Variants in LANCL2 observed in about 807,000 individuals in gnomAD.
LANCL2 encodes LanC like glutathione S-transferase 2, also known as lanC-like protein 2.
LANCL2 carries 33 observed loss-of-function variants against 56.9 expected under a neutral mutation model. The observed-to-expected ratio is 0.58, with a 90% CI of 0.44 to 0.78. LANCL2 has a LOEUF of 0.78. Ranked by LOEUF, LANCL2 falls within the 30% of genes least tolerant of loss-of-function variation. The pLI is 0.00. For synonymous variants in LANCL2, 233 were observed against 228.2 expected, an observed-to-expected ratio of 1.02 and a Z score of -0.19; for missense variants, 562 against 580.2, an observed-to-expected ratio of 0.97 and a Z score of 0.32.
intron 5 of LANCL2, among the ~76,000 whole-genome samples, chr7:55,409,897 T>G (rs1790453160): frequency 6.6e-6 from 1 of 152,222 alleles, no homozygotes; most frequent in South Asian, 2.1e-4. Context: ...TCAGTGTATT[T>G]CCTGTTTCAG....
At chr7:55,387,895 C>G (rs944170766) in intron 1 of LANCL2, among the ~76,000 whole-genome samples, 1 of 152,092 alleles carries the variant, frequency 6.6e-6, no homozygotes. Flanking sequence ...CTAAAAATAC[C>G]TCTTTTCCTT....
At chr7:55,399,426 G>A (rs773022146) in intron 3 of LANCL2, among the ~76,000 whole-genome samples, 16 of 148,422 alleles carry the variant, frequency 1.1e-4, no homozygotes, top group Non-Finnish European at 1.8e-4. Flanking sequence ...TCACTGCAAC[G>A]TCCGCCTCCT....
chr7:55,367,037 T>G (rs10230732), intron 1 of LANCL2, among the ~76,000 whole-genome samples: 136,980 of 152,158 alleles, frequency 0.9, 62,034 homozygotes, highest in African/African-American at 0.98. Flanking sequence ...TCTTGTTTCA[T>G]GAAGAAAAGG....
Position 55,391,893 on chromosome 7 carries a change from CT to C in LANCL2, c.307del (p.Tyr103IlefsTer7). 6.3e-7 allele frequency: 1 copy of C among 1,589,774 alleles called. No individual in the cohort carries two copies. The highest frequency in any genetic ancestry group is 8.6e-7 in the Non-Finnish European group (1 of 1,158,224). ...LKTADPHDCS[A>X]YTGWTGIALL... Reference sequence around the variant, plus strand: ...ACAGCTGATCCCCATGACTGCTCTGCTTATACTGGCTGGACAGGTGAGGCTG... The same window carrying C: ...ACAGCTGATCCCCATGACTGCTCTGCTATACTGGCTGGACAGGTGAGGCTG... On this transcript the variant is annotated frameshift_variant, in exon 2 of 9. Transcript: ENST00000254770. LOFTEE classifies it high-confidence loss of function.
chr7:55,382,004 T>C (rs1790074475), intron 1 of LANCL2, among the ~76,000 whole-genome samples: 1 of 152,226 alleles, frequency 6.6e-6, no homozygotes, highest in East Asian at 1.9e-4. Context: ...TTTTAAGTCC[T>C]GCTTTTAGGT....
At chr7:55,397,656 C>T (rs972909599) in intron 2 of LANCL2, among the ~76,000 whole-genome samples, 99 of 108,662 alleles carry the variant, frequency 9.1e-4, no homozygotes, top group Middle Eastern at 6.7e-3. Flanking sequence ...TATACTGATT[C>T]TTTTTTTTTT....
intron 7 of LANCL2, among the ~76,000 whole-genome samples, chr7:55,425,926 C>CT (rs1790659525): frequency 6.6e-6 from 1 of 152,238 alleles, no homozygotes; most frequent in African/African-American, 2.4e-5. Context: ...TGGCCCCTCT[C>CT]TGTGTCTCTG....
intron 5 of LANCL2, among the ~76,000 whole-genome samples, chr7:55,402,547 G>C (rs1378610093): frequency 7.2e-6 from 1 of 138,668 alleles, no homozygotes; most frequent in Non-Finnish European, 1.6e-5. Flanking sequence ...CTTGCCGGGC[G>C]GGGGGCTGAC....
chr7:55,421,841 C>T (rs1169156271), intron 6 of LANCL2, among the ~76,000 whole-genome samples: 1 of 152,160 alleles, frequency 6.6e-6, no homozygotes, highest in Non-Finnish European at 1.5e-5. Flanking sequence ...TTTATAAAAT[C>T]TATGAATGTT....
intron 2 of LANCL2, among the ~76,000 whole-genome samples, chr7:55,393,658 C>G (rs1790217544): frequency 6.6e-6 from 1 of 152,006 alleles, no homozygotes; most frequent in African/African-American, 2.4e-5. Flanking sequence ...TATTTACATT[C>G]ATTTTTGTGA....
intron 6 of LANCL2, among the ~76,000 whole-genome samples, chr7:55,417,721 C>T (rs932406315): frequency 2.0e-5 from 3 of 152,062 alleles, no homozygotes; most frequent in Non-Finnish European, 2.9e-5. Flanking sequence ...CTTGCTTGGT[C>T]GCCCAGGCTG....
At chr7:55,407,958 C>G (rs543952481) in intron 5 of LANCL2, among the ~76,000 whole-genome samples, 4 of 152,316 alleles carry the variant, frequency 2.6e-5, no homozygotes, top group African/African-American at 9.6e-5. Flanking sequence ...TGAGCACAGA[C>G]CAGTAGCCGA....
intron 1 of LANCL2, among the ~76,000 whole-genome samples, chr7:55,378,558 G>T (rs993603894): frequency 1.3e-5 from 2 of 151,514 alleles, no homozygotes; most frequent in Non-Finnish European, 2.9e-5. Context: ...GTGTGTGTAT[G>T]TAAATAAAAT....
chr7:55,367,865 C>T (rs767123174), intron 1 of LANCL2, among the ~76,000 whole-genome samples: 4 of 152,274 alleles, frequency 2.6e-5, no homozygotes, highest in African/African-American at 4.8e-5. Flanking sequence ...TAATCTCTTC[C>T]CCTTGATGAT....
At chr7:55,405,934 G>A (rs1001810838) in intron 5 of LANCL2, among the ~76,000 whole-genome samples, 6 of 152,180 alleles carry the variant, frequency 3.9e-5, no homozygotes, top group African/African-American at 1.4e-4. Context: ...TCTCTTCCCT[G>A]CTGCACGGTT....
chr7:55,425,025 C>T (rs1229652553), intron 6 of LANCL2, among the ~76,000 whole-genome samples: 1 of 152,202 alleles, frequency 6.6e-6, no homozygotes, highest in Non-Finnish European at 1.5e-5. Flanking sequence ...TCCACAAAAC[C>T]AGTCACTGGT....
Position 55,432,886 on chromosome 7 carries a change from C to T in LANCL2, c.*1566C>T, listed in dbSNP as rs1451534726. 2 of 152,218 alleles carry T rather than the reference C, an allele frequency of 1.3e-5. No homozygotes were observed. Among genetic ancestry groups the T allele is most frequent in the African/African-American group, 4.8e-5 (2 of 41,450 alleles). The allele number at this position is 152,218 out of a possible 1,614,324, so 9.4% of individuals were successfully genotyped here. ...ATCATCCTGATCCTATTTTACCTGG[C>T]CTCCAGGGCCTGTTGATGGGCTTTG... is the stretch of plus-strand genomic sequence containing the variant. On this transcript the variant is annotated 3_prime_UTR_variant, in exon 9 of 9. Coordinates refer to ENST00000254770, the MANE Select transcript of LANCL2 (RefSeq NM_018697.4).
At position 55,424,726 on chromosome 7, in the gene LANCL2, T is replaced by C. The variant is rs549399267; in HGVS notation, c.1009-528T>C. Reference sequence around the variant, plus strand: ...GAATTGGTACTGGTCCGTGGCCTGTTAGGGACTGGGCTGCACAGCAGGAGG... The same window carrying C: ...GAATTGGTACTGGTCCGTGGCCTGTCAGGGACTGGGCTGCACAGCAGGAGG... On this transcript the variant is annotated intron_variant, in intron 6 of 8. Coordinates refer to ENST00000254770, the MANE Select transcript of LANCL2 (RefSeq NM_018697.4). Among the ~76,000 whole-genome samples, 8 of 152,320 alleles carry C rather than the reference T, an allele frequency of 5.3e-5. No homozygotes were observed. In the East Asian group the frequency reaches 1.5e-3, roughly 29 times the overall value.
At chr7:55,396,887 T>G (rs1790259863) in intron 2 of LANCL2, 1 of 152,212 alleles carries the variant, frequency 6.6e-6, no homozygotes, top group Non-Finnish European at 1.5e-5. Context: ...ATGTTTGAAA[T>G]TTGTAAGTAT....
Sources: gnomAD v4.1 joint callset for allele counts (sites outside exome capture counted in the v4.1 genomes callset) on GRCh38, gnomAD v4.1.1 for gene constraint, MANE v1.5 for transcripts, NCBI Gene and HGNC (gene_info 2026-07-23, HGNC 2026-07-21) for gene names.